The following WWOX variants were observed in gnomAD, a reference collection of about 807,000 sequenced individuals.
WWOX encodes the protein WW domain containing oxidoreductase.
A neutral mutation model predicts 46.2 loss-of-function variants in WWOX; 69 were observed. That is an observed-to-expected ratio of 1.49 (90% confidence interval 1.23 to 1.82). The LOEUF is 1.82. WWOX is among the 40% of genes most tolerant of loss of function. WWOX has a pLI of 0.00. For missense variants in WWOX, 919 were observed against 542.6 expected, an observed-to-expected ratio of 1.69 and a Z score of -6.89; for synonymous variants, 359 against 202.6, an observed-to-expected ratio of 1.77 and a Z score of -6.56.
chr16:78,874,655 A>C (rs2044197752), intron 8 of WWOX, among the ~76,000 whole-genome samples: 1 of 150,232 alleles, frequency 6.7e-6, no homozygotes, highest in Non-Finnish European at 1.5e-5. Context: ...AAACACCTTC[A>C]ACTGTGTCTG....
chr16:78,256,282 T>A (rs1274817616), intron 5 of WWOX, among the ~76,000 whole-genome samples: 1 of 151,732 alleles, frequency 6.6e-6, no homozygotes, highest in Non-Finnish European at 1.5e-5. Context: ...CTCTCCTAAA[T>A]GAGGAGAACC....
intron 8 of WWOX, among the ~76,000 whole-genome samples, chr16:78,784,780 C>G (rs1013732207): frequency 6.6e-6 from 1 of 152,076 alleles, no homozygotes; most frequent in African/African-American, 2.4e-5. Flanking sequence ...AAGGTCAGCT[C>G]CTGACCTTCA....
chr16:78,728,798 C>T (rs186671968), intron 8 of WWOX, among the ~76,000 whole-genome samples: 6 of 152,322 alleles, frequency 3.9e-5, no homozygotes, highest in Admixed American at 2.6e-4. Flanking sequence ...TGTCTACACT[C>T]AGCTGCTAAT....
intron 8 of WWOX, among the ~76,000 whole-genome samples, chr16:78,702,782 C>G (rs1252470291): frequency 1.3e-5 from 2 of 152,132 alleles, no homozygotes; most frequent in Non-Finnish European, 2.9e-5. Flanking sequence ...ACACCTCTTG[C>G]ATGTGTATTT....
At chr16:78,979,421 C>T (rs2046637173) in intron 8 of WWOX, among the ~76,000 whole-genome samples, 1 of 152,134 alleles carries the variant, frequency 6.6e-6, no homozygotes, top group South Asian at 2.1e-4. Flanking sequence ...TTATGTCTGT[C>T]TCGGAATACG....
intron 8 of WWOX, among the ~76,000 whole-genome samples, chr16:79,122,475 C>T (rs541733612): frequency 2.0e-5 from 3 of 151,956 alleles, no homozygotes; most frequent in South Asian, 4.1e-4. Flanking sequence ...CTGTTTCTTT[C>T]CTTCTCTTGC....
chr16:78,584,066 G>A (rs755689838), intron 8 of WWOX, among the ~76,000 whole-genome samples: 87 of 152,330 alleles, frequency 5.7e-4, no homozygotes, highest in Middle Eastern at 3.4e-3. Flanking sequence ...ATCACAGTGT[G>A]TAATTATAAA....
rs1330443801 is a variant in WWOX, at chr16:78,260,709, C to T, written c.516+96420C>T. Among the ~76,000 whole-genome samples the T allele has an allele frequency of 3.3e-5, 5 of 149,854 alleles. No homozygotes were observed. The East Asian group carries it at 7.8e-4, about 23-fold the overall frequency. On this transcript the variant is annotated intron_variant, in intron 5 of 8. Transcript: ENST00000566780. ...ATCTCTGCCCTTTGGGAGGCTGAGG[C>T]AGGTGGATCACTTGAGGTCAGGAGT...
At chr16:78,617,646 C>T (rs981663458) in intron 8 of WWOX, among the ~76,000 whole-genome samples, 1 of 152,050 alleles carries the variant, frequency 6.6e-6, no homozygotes, top group Non-Finnish European at 1.5e-5. Context: ...AGTGAGTCCC[C>T]CTGCTCCTCA....
chr16:78,584,198 T>G (rs1158336666), intron 8 of WWOX, among the ~76,000 whole-genome samples: 1 of 152,202 alleles, frequency 6.6e-6, no homozygotes, highest in East Asian at 1.9e-4. Context: ...GCATAATCAT[T>G]GTCATCACCA....
At chr16:78,623,914 A>C (rs1232555870) in intron 8 of WWOX, among the ~76,000 whole-genome samples, 1 of 152,196 alleles carries the variant, frequency 6.6e-6, no homozygotes, top group African/African-American at 2.4e-5. Flanking sequence ...GGAGCAGCTC[A>C]TGTGACCAGA....
chr16:78,108,515 G>A (rs1308338700), intron 2 of WWOX, 28 bp downstream of exon 2: 2 of 1,612,266 alleles, frequency 1.2e-6, no homozygotes, highest in African/African-American at 1.3e-5. Flanking sequence ...TAAGGATCTT[G>A]GATGGAAGCA....
chr16:78,989,660 G>A (rs545818712), intron 8 of WWOX, among the ~76,000 whole-genome samples: 130 of 152,306 alleles, frequency 8.5e-4, no homozygotes, highest in Non-Finnish European at 1.5e-3. Flanking sequence ...GGGACCCTTT[G>A]CAAGAAGGGT....
At chr16:78,415,079 A>AAT (rs935598132) in intron 6 of WWOX, among the ~76,000 whole-genome samples, 2 of 143,832 alleles carry the variant, frequency 1.4e-5, no homozygotes, top group African/African-American at 2.5e-5. Flanking sequence ...ATTTTAATAT[A>AAT]ATATATATAA....
chr16:78,756,116 G>C (rs566664514), intron 8 of WWOX, among the ~76,000 whole-genome samples: 11 of 152,150 alleles, frequency 7.2e-5, no homozygotes, highest in Non-Finnish European at 1.3e-4. Context: ...GAAAGGGGAG[G>C]AGAGAGTATA....
Position 78,714,241 on chromosome 16 carries a change from G to C in WWOX, c.1056+281489G>C, listed in dbSNP as rs185862295. 7.9e-5 allele frequency among the ~76,000 whole-genome samples: 12 copies of C among 152,248 alleles called. No individual in the cohort carries two copies. The East Asian group carries it at 2.3e-3, about 29-fold the overall frequency. Reference sequence around the variant, plus strand: ...ACCTGAGATGGGGTAATTTGTAAAAGAAAGAAGTTTAACGGACTCATAGTT... The same window carrying C: ...ACCTGAGATGGGGTAATTTGTAAAACAAAGAAGTTTAACGGACTCATAGTT... On this transcript the variant is annotated intron_variant, in intron 8 of 8. Coordinates refer to ENST00000566780, the MANE Select transcript of WWOX (RefSeq NM_016373.4).
At chr16:78,217,669 G>A (rs1279344887) in intron 5 of WWOX, among the ~76,000 whole-genome samples, 1 of 152,136 alleles carries the variant, frequency 6.6e-6, no homozygotes, top group African/African-American at 2.4e-5. Flanking sequence ...GTCTCGGAAA[G>A]TGTTTAACAC....
At chr16:78,196,209 AT>A (rs2036046320) in intron 5 of WWOX, among the ~76,000 whole-genome samples, 1 of 152,246 alleles carries the variant, frequency 6.6e-6, no homozygotes, top group South Asian at 2.1e-4. Context: ...TCTACAATTA[AT>A]TTGAATGTAT....
rs1504888 is a variant in WWOX, at chr16:79,040,384, C to G, written c.1057-171224C>G. On this transcript the variant is annotated intron_variant, in intron 8 of 8. Coordinates refer to ENST00000566780, the MANE Select transcript of WWOX (RefSeq NM_016373.4). ...CTGCCTCCCAGGCCCAAGCGATCCT[C>G]CTGCCTCAGCCTCATGAGCAGCTGG... is the stretch of plus-strand genomic sequence containing the variant. Among the ~76,000 whole-genome samples the G allele has an allele frequency of 7.3e-3, 1,105 of 151,272 alleles. 21 individuals carry two copies. Among genetic ancestry groups the G allele is most frequent in the African/African-American group, 0.025 (1,046 of 41,200 alleles).
Sources: gnomAD v4.1 joint callset for allele counts (sites outside exome capture counted in the v4.1 genomes callset) on GRCh38, gnomAD v4.1.1 for gene constraint, MANE v1.5 for transcripts, NCBI Gene and HGNC (gene_info 2026-07-23, HGNC 2026-07-21) for gene names.